The following OVOL2 variants were observed in gnomAD, a reference collection of about 807,000 sequenced individuals.
OVOL2 encodes ovo like zinc finger 2.
Under a neutral mutation model 18.1 loss-of-function variants are expected in OVOL2, and 13 were observed. That is an observed-to-expected ratio of 0.72 (90% CI 0.47 to 1.14). The LOEUF (loss-of-function observed/expected upper bound fraction) is 1.14. OVOL2 is among the 50% of genes most tolerant of loss of function. OVOL2 has a pLI of 0.00. For synonymous variants in OVOL2, 166 were observed against 162.7 expected, an observed-to-expected ratio of 1.02 and a Z score of -0.16; for missense variants, 335 against 383.0, an observed-to-expected ratio of 0.87 and a Z score of 1.05.
At chr20:18,037,031 G>C (rs1474366637) in intron 3 of OVOL2, among the ~76,000 whole-genome samples, 1 of 151,490 alleles carries the variant, frequency 6.6e-6, no homozygotes, top group Non-Finnish European at 1.5e-5. Flanking sequence ...AGCTACTCGG[G>C]AGGCTGAGGC....
At chr20:18,054,872 G>T (rs1444961077) in intron 2 of OVOL2, among the ~76,000 whole-genome samples, 1 of 151,920 alleles carries the variant, frequency 6.6e-6, no homozygotes, top group Admixed American at 6.5e-5. Flanking sequence ...ATTATACAAC[G>T]TGCTAAGTCA....
intron 2 of OVOL2, among the ~76,000 whole-genome samples, chr20:18,052,344 T>G (rs6034945): frequency 0.14 from 21,920 of 151,586 alleles, 2,549 homozygotes; most frequent in African/African-American, 0.33. Context: ...GGAAAAGTAT[T>G]AATTTATGAG....
In OVOL2 at chr20:18,056,942, T is replaced by C. The variant is rs952631766; in HGVS notation, c.101-65A>G. 7.2e-5 allele frequency: 101 copies of C among 1,405,910 alleles called. 1 individual carries two copies. The East Asian group carries it at 1.2e-3, about 17-fold the overall frequency. 87.1% of individuals were successfully genotyped at this position (1,405,910 alleles called of 1,614,324 possible). A position where few individuals can be genotyped will look rare whatever the true frequency, so the allele number is the denominator to read the frequency against. On this transcript the variant is annotated intron_variant, in intron 1 of 3. Transcript: ENST00000278780. The surrounding 1 kb of genome is among the most constrained non-coding windows in gnomAD (Gnocchi z 4.2). ...CGTCAACCCGCACGCCCGCGGCAGT[T>C]TGACCTGCGGGCGGTGCTGCCGCCG...
intron 3 of OVOL2, among the ~76,000 whole-genome samples, 153 bp from the exon 4 acceptor site, chr20:18,025,105 T>A (rs778353527): frequency 6.6e-6 from 1 of 152,028 alleles, no homozygotes; most frequent in South Asian, 2.1e-4. Flanking sequence ...CTACAAAAAA[T>A]CATAGCATCC....
At chr20:18,037,051 G>T (rs1034401610) in intron 3 of OVOL2, among the ~76,000 whole-genome samples, 6 of 151,120 alleles carry the variant, frequency 4.0e-5, no homozygotes, top group Non-Finnish European at 8.9e-5. Flanking sequence ...CAGGAGACTG[G>T]CGTGAACCTG....
intron 2 of OVOL2, among the ~76,000 whole-genome samples, chr20:18,042,901 A>G (rs2122712151): frequency 6.6e-6 from 1 of 152,226 alleles, no homozygotes; most frequent in Non-Finnish European, 1.5e-5. Flanking sequence ...CCTCACCAGA[A>G]GAAGACACCA....
intron 3 of OVOL2, among the ~76,000 whole-genome samples, chr20:18,036,624 G>A (rs2036617182): frequency 6.6e-6 from 1 of 152,098 alleles, no homozygotes; most frequent in Non-Finnish European, 1.5e-5. Flanking sequence ...GTAGGAGATG[G>A]AGAAAATCTG....
At chr20:18,055,714 C>G (rs1048447966) in intron 2 of OVOL2, among the ~76,000 whole-genome samples, 7 of 152,214 alleles carry the variant, frequency 4.6e-5, no homozygotes, top group African/African-American at 1.4e-4. Context: ...TACTCCCGGT[C>G]TGGGTGGCAG....
intron 3 of OVOL2, among the ~76,000 whole-genome samples, chr20:18,029,411 A>T (rs2036547856): frequency 6.6e-6 from 1 of 152,180 alleles, no homozygotes. Flanking sequence ...CTTCCCCAGG[A>T]GGCTCTAGTG....
chr20:18,045,511 C>T (rs886109147), intron 2 of OVOL2, among the ~76,000 whole-genome samples: 5 of 152,258 alleles, frequency 3.3e-5, no homozygotes, highest in Admixed American at 6.5e-5. Context: ...AATCTCAAAT[C>T]GTCGGTATTA....
intron 2 of OVOL2, chr20:18,050,770 G>A (rs1449541032): frequency 6.6e-6 from 1 of 152,136 alleles, no homozygotes; most frequent in Non-Finnish European, 1.5e-5. Flanking sequence ...TTCTTGTTCT[G>A]TGTTCACTTA....
chr20:18,052,999 A>C (rs2036783420), intron 2 of OVOL2, among the ~76,000 whole-genome samples: 2 of 152,274 alleles, frequency 1.3e-5, no homozygotes, highest in South Asian at 4.1e-4. Context: ...TCATCTTCTC[A>C]CCCTTATTTG....
chr20:18,055,966 G>A (rs1347496477), intron 2 of OVOL2, among the ~76,000 whole-genome samples: 1 of 152,220 alleles, frequency 6.6e-6, no homozygotes, highest in Non-Finnish European at 1.5e-5. Flanking sequence ...GAATGTTCGA[G>A]GGGGCCCCGA....
chr20:18,056,792 C>A lies in OVOL2; in HGVS notation c.186G>T (p.Ala62=), dbSNP rs1487687115. 2 of 1,498,276 alleles carry A rather than the reference C, an allele frequency of 1.3e-6. No individual in the cohort carries two copies. Among genetic ancestry groups the A allele is most frequent in the Admixed American group, 4.4e-5 (2 of 45,768 alleles). The allele number at this position is 1,498,276 out of a possible 1,614,324, so 92.8% of individuals were successfully genotyped here. The change falls in exon 2 of 4, where the codon GCG becomes GCT. Residue 62 remains alanine, a synonymous_variant. Transcript: ENST00000278780. The surrounding 1 kb of genome is among the most constrained non-coding windows in gnomAD (Gnocchi z 4.2). ...TGCTCTCTGCTCCTCCAGGCTCCCC[C>A]GCGCTGCTGCTGCCGCTGCCGCTGC... is the stretch of plus-strand genomic sequence containing the variant. ...GSSSGSGSSS[A]GEPGGAESSS...
chr20:18,032,362 AAAG>A (rs147877835), intron 3 of OVOL2, among the ~76,000 whole-genome samples: 11,525 of 149,370 alleles, frequency 0.077, 1,048 homozygotes, highest in East Asian at 0.28. Context: ...AGAAAAGAAA[AAAG>A]AAGGAAGGGA....
At chr20:18,041,499 CA>C in intron 3 of OVOL2, 34 bp downstream of exon 3, 1 of 1,586,056 alleles carries the variant, frequency 6.3e-7, no homozygotes, top group Admixed American at 1.7e-5. Context: ...GCCAGAATAA[CA>C]AAACAGAGAA....
In OVOL2 at chr20:18,039,607, C is replaced by CAAAAAAAAAAA. The variant is rs111619803; in HGVS notation, c.511+1916_511+1926dup. Among the ~76,000 whole-genome samples the CAAAAAAAAAAA allele has an allele frequency of 4.8e-3, 417 of 86,298 alleles. 1 individual carries two copies. The highest frequency in any genetic ancestry group is 6.3e-3 in the Middle Eastern group (1 of 160). The allele number at this position is 86,298 out of a possible 152,430, so 56.6% of individuals were successfully genotyped here. A position where few individuals can be genotyped will look rare whatever the true frequency, so the allele number is the denominator to read the frequency against. ...TGGGTGAGAGAGCAAGACGCTGTCT[C>CAAAAAAAAAAA]AAAAAAAAAAAAAAAGAAAGAAAGA... On this transcript the variant is annotated intron_variant, in intron 3 of 3. Transcript: ENST00000278780.
At chr20:18,054,525 C>T (rs540016250) in intron 2 of OVOL2, among the ~76,000 whole-genome samples, 87 of 152,144 alleles carry the variant, frequency 5.7e-4, no homozygotes, top group African/African-American at 2.1e-3. Context: ...GGCGGATCAC[C>T]TGAGGTCGGG....
At position 18,025,035 on chromosome 20, in the gene OVOL2, G is replaced by T. The variant is rs369726890; in HGVS notation, c.512-83C>A. 5 of 829,258 alleles carry T rather than the reference G, an allele frequency of 6.0e-6. No homozygotes were observed. In the African/African-American group the frequency reaches 8.8e-5, roughly 15 times the overall value. 51.4% of individuals were successfully genotyped at this position (829,258 alleles called of 1,614,324 possible). ...CAACTATGAAGCCAGTAAAAGTCAT[G>T]CCATGACCAAGGATTCATGGCAGCA... On this transcript the variant is annotated intron_variant, in intron 3 of 3. Coordinates refer to ENST00000278780, the MANE Select transcript of OVOL2 (RefSeq NM_021220.4).
Sources: gnomAD v4.1 joint callset for allele counts (sites outside exome capture counted in the v4.1 genomes callset) on GRCh38, gnomAD v4.1.1 for gene constraint, Gnocchi (gnomAD v3.1) non-coding constraint, MANE v1.5 for transcripts, NCBI Gene and HGNC (gene_info 2026-07-23, HGNC 2026-07-21) for gene names.